Variants in NAA38 observed in about 807,000 individuals in gnomAD.
The protein encoded by NAA38 is LSM domain containing 1.
Under a neutral mutation model 12.6 loss-of-function variants are expected in NAA38, and 15 were observed. The ratio of observed to expected loss-of-function variants is 1.19; its 90% CI spans 0.79 to 1.83. The LOEUF (loss-of-function observed/expected upper bound fraction) is 1.83, where lower values mean the gene tolerates loss of function less well. Ranked by LOEUF, NAA38 falls within the 40% of genes most tolerant of loss-of-function variation. The pLI, the probability that NAA38 is intolerant of heterozygous loss-of-function variation, is 0.00. For missense variants in NAA38, 183 were observed against 171.7 expected, an observed-to-expected ratio of 1.07 and a Z score of -0.37; for synonymous variants, 88 against 69.9, an observed-to-expected ratio of 1.26 and a Z score of -1.29.
chr17:7,858,142 G>C, upstream of NAA38: 1 of 1,613,428 alleles, frequency 6.2e-7, no homozygotes, highest in Non-Finnish European at 8.5e-7. Flanking sequence ...GCCATGCCGC[G>C]CCGGGGCCTG....
intron 2 of NAA38, among the ~76,000 whole-genome samples, chr17:7,879,657 C>A (rs1290075335): frequency 2.0e-5 from 3 of 151,950 alleles, no homozygotes; most frequent in Non-Finnish European, 4.4e-5. Context: ...AAAAAATATT[C>A]TCCTGTACCC....
At chr17:7,866,811 TA>T (rs1234802193) in intron 2 of NAA38, among the ~76,000 whole-genome samples, 1 of 152,188 alleles carries the variant, frequency 6.6e-6, no homozygotes, top group East Asian at 1.9e-4. Flanking sequence ...TCTTAGACTG[TA>T]AGTACCATGG....
At chr17:7,884,838 A>G in intron 1 of NAA38, 2 of 1,014,544 alleles carry the variant, frequency 2.0e-6, no homozygotes, top group Admixed American at 5.0e-5. Flanking sequence ...GAGGAGGAGG[A>G]GGAGGAGGAG....
intron 2 of NAA38, among the ~76,000 whole-genome samples, chr17:7,882,539 G>T (rs1036146366): frequency 2.6e-5 from 4 of 152,086 alleles, no homozygotes; most frequent in East Asian, 1.9e-4. Context: ...ATATAGAAAG[G>T]GGGGGATAAC....
chr17:7,884,935 T>C (rs1396427991), intron 1 of NAA38: 11 of 1,348,518 alleles, frequency 8.2e-6, no homozygotes, highest in Non-Finnish European at 1.1e-5. Flanking sequence ...ACGAGGACGA[T>C]GAGGAGGACG....
upstream of NAA38, chr17:7,858,617 C>G: frequency 6.2e-7 from 1 of 1,605,158 alleles, no homozygotes. Context: ...TCCGCAAGCA[C>G]ATAGATCCGC....
At chr17:7,858,340 C>T (rs752993340), upstream of NAA38, 5 of 1,613,994 alleles carry the variant, frequency 3.1e-6, no homozygotes, top group Non-Finnish European at 4.2e-6. Context: ...TGTGTGTGCA[C>T]GCGCGCGTTT....
chr17:7,884,602 G>C (rs1297943488), intron 1 of NAA38, among the ~76,000 whole-genome samples: 9 of 127,330 alleles, frequency 7.1e-5, no homozygotes, highest in African/African-American at 2.6e-4. Flanking sequence ...CCCCTCCTCA[G>C]ACGGCGGCCC....
At chr17:7,877,501 C>G (rs1187609902) in intron 2 of NAA38, among the ~76,000 whole-genome samples, 2 of 151,888 alleles carry the variant, frequency 1.3e-5, no homozygotes, top group Non-Finnish European at 2.9e-5. Flanking sequence ...CCCAGGAAAT[C>G]CTGAGAACAT....
chr17:7,875,285 A>G (rs1293285746), intron 2 of NAA38, among the ~76,000 whole-genome samples: 5 of 152,076 alleles, frequency 3.3e-5, no homozygotes, highest in Non-Finnish European at 7.4e-5. Flanking sequence ...CTTCCTCACT[A>G]AAACTGGCTT....
At chr17:7,881,630 C>T (rs541156369) in intron 2 of NAA38, among the ~76,000 whole-genome samples, 9 of 150,802 alleles carry the variant, frequency 6.0e-5, no homozygotes, top group Non-Finnish European at 4.4e-5. Context: ...AAGCCTGAAA[C>T]GGTGGGATAG....
At chr17:7,856,914 A>T (rs1482229109) in intron 2 of NAA38, 71 bp from the exon 3 acceptor site, 3 of 1,592,666 alleles carry the variant, frequency 1.9e-6, no homozygotes, top group East Asian at 2.2e-5. Context: ...CACGAAAACG[A>T]GCCCCAGAAA....
At chr17:7,884,923 C>A (rs1387017613) in intron 1 of NAA38, 1 of 1,409,100 alleles carries the variant, frequency 7.1e-7, no homozygotes, top group Non-Finnish European at 9.3e-7. Context: ...TGGAGGCGGC[C>A]GACGAGGACG....
chr17:7,885,043 G>GCCGCCA (rs1241916951), intron 1 of NAA38: 5 of 1,088,750 alleles, frequency 4.6e-6, no homozygotes, highest in Non-Finnish European at 5.6e-6. Context: ...CGCCGCCGCC[G>GCCGCCA]CCGCCACCGC....
upstream of NAA38, chr17:7,858,311 G>T: frequency 6.2e-7 from 1 of 1,613,922 alleles, no homozygotes; most frequent in Non-Finnish European, 8.5e-7. Context: ...GCCACACGTT[G>T]GGCCGGGGCC....
At chr17:7,877,040 C>A in intron 2 of NAA38, 1 of 387,468 alleles carries the variant, frequency 2.6e-6, no homozygotes, top group Non-Finnish European at 5.1e-6. Context: ...ACTTTGCTTA[C>A]ACATTTTTCA....
upstream of NAA38, chr17:7,858,574 C>T (rs1180656223): frequency 6.2e-7 from 1 of 1,609,582 alleles, no homozygotes. Context: ...AATGGCTGCT[C>T]TGACACCCTC....
intron 2 of NAA38, among the ~76,000 whole-genome samples, chr17:7,866,836 A>G (rs1044250615): frequency 1.3e-5 from 2 of 152,220 alleles, no homozygotes; most frequent in African/African-American, 4.8e-5. Context: ...CAGGGGCCAC[A>G]GCTCTCATTT....
intron 2 of NAA38, among the ~76,000 whole-genome samples, chr17:7,870,800 T>C (rs572396464): frequency 1.3e-5 from 2 of 151,688 alleles, no homozygotes; most frequent in South Asian, 2.1e-4. Context: ...GGCAGGAGAA[T>C]TGCTTGAACC....
Sources: gnomAD v4.1 joint callset for allele counts (sites outside exome capture counted in the v4.1 genomes callset) on GRCh38, gnomAD v4.1.1 for gene constraint, MANE v1.5 for transcripts, NCBI Gene and HGNC (gene_info 2026-07-23, HGNC 2026-07-21) for gene names.